Variants in STXBP6 observed in about 807,000 individuals in gnomAD.
STXBP6 encodes the protein syntaxin-binding protein 6.
A neutral mutation model predicts 26.9 loss-of-function variants in STXBP6; 21 were observed. The observed-to-expected ratio is 0.78, with a 90% confidence interval of 0.55 to 1.12. The LOEUF is 1.12. Among genes scored for constraint, STXBP6 ranks in the 50% most tolerant of loss-of-function variants. The pLI, the probability that STXBP6 is intolerant of heterozygous loss-of-function variation, is 0.00. For missense variants in STXBP6, 232 were observed against 257.9 expected (o/e 0.90, Z 0.69); for synonymous variants, 97 against 92.6 (o/e 1.05, Z -0.27).
At chr14:24,950,557 G>A (rs536411184) in intron 2 of STXBP6, among the ~76,000 whole-genome samples, 27 of 152,136 alleles carry the variant, frequency 1.8e-4, no homozygotes, top group Non-Finnish European at 3.1e-4. Context: ...AAACAATAGC[G>A]AGAGGGAAAA....
At position 24,812,026 on chromosome 14, in the gene STXBP6, T is replaced by C. The variant is rs2067837736; in HGVS notation, c.*683A>G. The C allele has an allele frequency of 6.6e-6, 1 of 152,084 alleles. No individual in the cohort carries two copies. Among genetic ancestry groups the C allele is most frequent in the African/African-American group, 2.4e-5 (1 of 41,404 alleles). The allele number at this position is 152,084 out of a possible 1,614,324, so 9.4% of individuals were successfully genotyped here. A position where few individuals can be genotyped will look rare whatever the true frequency, so the allele number is the denominator to read the frequency against. The stretch of plus-strand genomic sequence containing the variant: ...GATAATTCCAAGTAAACACCCTGGA[T>C]ACAAGTAGCAAGAGTATTTAAACTG... On this transcript the variant is annotated 3_prime_UTR_variant, in exon 6 of 6. Transcript: ENST00000323944.
intron 1 of STXBP6, among the ~76,000 whole-genome samples, chr14:25,031,634 T>C (rs990810433): frequency 2.0e-5 from 3 of 152,188 alleles, no homozygotes; most frequent in Non-Finnish European, 4.4e-5. Context: ...TAAACTTTTA[T>C]TCTTATGCAA....
At chr14:24,832,192 GC>G (rs2068474047) in intron 4 of STXBP6, among the ~76,000 whole-genome samples, 1 of 152,072 alleles carries the variant, frequency 6.6e-6, no homozygotes, top group Non-Finnish European at 1.5e-5. Context: ...ATACTACCTA[GC>G]TTTGGTTTCA....
intron 1 of STXBP6, among the ~76,000 whole-genome samples, chr14:25,030,439 C>T (rs1387941258): frequency 6.6e-6 from 1 of 152,168 alleles, no homozygotes; most frequent in Non-Finnish European, 1.5e-5. Flanking sequence ...TCTCTTTTGC[C>T]CTTTTTTGAG....
chr14:24,929,880 G>A (rs2139885776), intron 2 of STXBP6, among the ~76,000 whole-genome samples: 1 of 152,182 alleles, frequency 6.6e-6, no homozygotes, highest in South Asian at 2.1e-4. Context: ...TGGCAGAAGG[G>A]GTAGCAGTAC....
intron 2 of STXBP6, among the ~76,000 whole-genome samples, chr14:24,860,190 C>T (rs2069484607): frequency 6.6e-6 from 1 of 152,246 alleles, no homozygotes; most frequent in African/African-American, 2.4e-5. Flanking sequence ...AAACAAAATT[C>T]GAAAACTTGC....
At chr14:24,813,248 C>A (rs1033708841) in intron 5 of STXBP6, among the ~76,000 whole-genome samples, 1 of 152,160 alleles carries the variant, frequency 6.6e-6, no homozygotes, top group Non-Finnish European at 1.5e-5. Context: ...GTGTTACTGA[C>A]GAGGGCCAAA....
chr14:24,840,144 G>C (rs1017084036), intron 4 of STXBP6, among the ~76,000 whole-genome samples: 5 of 152,158 alleles, frequency 3.3e-5, no homozygotes, highest in African/African-American at 1.2e-4. Flanking sequence ...GTTATAAATT[G>C]CCCAAGGATA....
At chr14:24,940,384 T>C (rs1295797599) in intron 2 of STXBP6, among the ~76,000 whole-genome samples, 3 of 152,198 alleles carry the variant, frequency 2.0e-5, no homozygotes, top group African/African-American at 7.2e-5. Context: ...AACATTCATA[T>C]TGAAAGCATT....
At chr14:25,034,713 C>T (rs745731317) in intron 1 of STXBP6, among the ~76,000 whole-genome samples, 14 of 152,276 alleles carry the variant, frequency 9.2e-5, no homozygotes, top group Non-Finnish European at 1.9e-4. Flanking sequence ...TGAAAGAATC[C>T]ACAAAATGTC....
intron 1 of STXBP6, among the ~76,000 whole-genome samples, chr14:25,017,052 G>C (rs1036358776): frequency 1.3e-5 from 2 of 152,152 alleles, no homozygotes; most frequent in East Asian, 3.8e-4. Flanking sequence ...CAGTAACCTG[G>C]TCAACTAGAT....
chr14:24,989,283 A>C (rs2074408472), intron 1 of STXBP6, among the ~76,000 whole-genome samples: 1 of 152,212 alleles, frequency 6.6e-6, no homozygotes, highest in Non-Finnish European at 1.5e-5. Context: ...AGGATACAGA[A>C]GCTGGTGTAG....
At chr14:24,814,615 G>C (rs967926165) in intron 5 of STXBP6, among the ~76,000 whole-genome samples, 9 of 152,210 alleles carry the variant, frequency 5.9e-5, no homozygotes, top group African/African-American at 2.2e-4. Flanking sequence ...GCTAAGATTT[G>C]CAGAAATACA....
intron 1 of STXBP6, among the ~76,000 whole-genome samples, chr14:24,982,830 G>C (rs1223082909): frequency 6.6e-6 from 1 of 152,104 alleles, no homozygotes; most frequent in Non-Finnish European, 1.5e-5. Context: ...TTACATTGCG[G>C]GTGTACCTTT....
intron 2 of STXBP6, among the ~76,000 whole-genome samples, chr14:24,973,676 C>G (rs918199082): frequency 6.6e-6 from 1 of 152,042 alleles, no homozygotes; most frequent in African/African-American, 2.4e-5. Context: ...CATGAGCCAC[C>G]GCGCCTGGCC....
Position 24,958,520 on chromosome 14 carries a change from T to C in STXBP6, c.154+16145A>G, listed in dbSNP as rs576676995. Among the ~76,000 whole-genome samples the C allele has an allele frequency of 1.6e-4, 25 of 152,286 alleles. No individual in the cohort carries two copies. In the South Asian group the frequency reaches 5.0e-3, roughly 30 times the overall value. ...TTTGGAAGGAAAAGAGTTTGAAATA[T>C]TATGTAGAAAAATATTGGCAACAAG... On this transcript the variant is annotated intron_variant, in intron 2 of 5. Coordinates refer to ENST00000323944, the MANE Select transcript of STXBP6 (RefSeq NM_001394410.1).
At chr14:24,814,748 G>A (rs1321818599) in intron 5 of STXBP6, among the ~76,000 whole-genome samples, 1 of 152,200 alleles carries the variant, frequency 6.6e-6, no homozygotes, top group East Asian at 1.9e-4. Context: ...ATCTTTGAGA[G>A]GTAGTTAGGT....
In STXBP6 at chr14:24,810,043, C is replaced by T. The variant is rs1340106847; in HGVS notation, c.*2666G>A. The T allele has an allele frequency of 6.6e-6, 1 of 152,118 alleles. No individual in the cohort carries two copies. The highest frequency in any genetic ancestry group is 1.5e-5 in the Non-Finnish European group (1 of 68,034). The allele number at this position is 152,118 out of a possible 1,614,324, so 9.4% of individuals were successfully genotyped here. A position where few individuals can be genotyped will look rare whatever the true frequency, so the allele number is the denominator to read the frequency against. ...TACATTCTTTAATATGAAACATTAA[C>T]CTGAATAACTGCATACTTTCTGTAC... On this transcript the variant is annotated 3_prime_UTR_variant, in exon 6 of 6. Coordinates refer to ENST00000323944, the MANE Select transcript of STXBP6 (RefSeq NM_001394410.1).
chr14:24,837,182 G>A (rs74037674), intron 4 of STXBP6, among the ~76,000 whole-genome samples: 3,159 of 152,212 alleles, frequency 0.021, 107 homozygotes, highest in African/African-American at 0.071. Context: ...CAGCAGGGAG[G>A]ATGAAAGAAA....
Sources: gnomAD v4.1 joint callset for allele counts (sites outside exome capture counted in the v4.1 genomes callset) on GRCh38, gnomAD v4.1.1 for gene constraint, MANE v1.5 for transcripts, NCBI Gene and HGNC (gene_info 2026-07-23, HGNC 2026-07-21) for gene names.